Variants in CDH13 observed in about 807,000 individuals in gnomAD.
CDH13 encodes the protein cadherin 13.
A neutral mutation model predicts 63.8 loss-of-function variants in CDH13; 24 were observed. The observed-to-expected ratio is 0.38, with a 90% CI of 0.27 to 0.53. The LOEUF is 0.53. Ranked by LOEUF, CDH13 falls within the 20% of genes least tolerant of loss-of-function variation. The pLI is 0.85. For synonymous variants in CDH13, 503 were observed against 355.3 expected (o/e 1.42, Z -4.67); for missense variants, 1,049 against 903.1 (o/e 1.16, Z -2.07).
intron 5 of CDH13, among the ~76,000 whole-genome samples, chr16:83,289,123 A>G (rs2089402086): frequency 6.6e-6 from 1 of 152,244 alleles, no homozygotes. Flanking sequence ...CTGGCCTACA[A>G]GAACCAAAAA....
chr16:83,147,803 G>C (rs576647217), intron 4 of CDH13, among the ~76,000 whole-genome samples: 59 of 152,204 alleles, frequency 3.9e-4, no homozygotes, highest in African/African-American at 1.4e-3. Flanking sequence ...AGGGGGCAAA[G>C]ACCTCACCTC....
intron 6 of CDH13, among the ~76,000 whole-genome samples, chr16:83,426,169 C>G (rs940594274): frequency 1.2e-4 from 18 of 152,230 alleles, no homozygotes; most frequent in African/African-American, 4.3e-4. Flanking sequence ...CTCATGCCAT[C>G]TGATTAATCA....
At chr16:82,915,552 TG>T (rs1328672908) in intron 2 of CDH13, among the ~76,000 whole-genome samples, 5 of 152,086 alleles carry the variant, frequency 3.3e-5, no homozygotes, top group African/African-American at 1.2e-4. Context: ...CAGTCATTGT[TG>T]AAAAATCTTA....
intron 1 of CDH13, among the ~76,000 whole-genome samples, chr16:82,713,208 A>C (rs900040255): frequency 6.6e-6 from 1 of 152,150 alleles, no homozygotes; most frequent in South Asian, 2.1e-4. Flanking sequence ...ATAAACCTGC[A>C]GTTTCTCCAG....
chr16:83,067,373 G>A (rs558344657), intron 3 of CDH13, among the ~76,000 whole-genome samples: 1 of 152,238 alleles, frequency 6.6e-6, no homozygotes, highest in African/African-American at 2.4e-5. Context: ...ATCCCTTTGA[G>A]CCATAGTTTC....
chr16:82,975,103 A>G (rs1017473582), intron 2 of CDH13, among the ~76,000 whole-genome samples: 2 of 152,226 alleles, frequency 1.3e-5, no homozygotes, highest in Non-Finnish European at 2.9e-5. Context: ...GATGGGTATA[A>G]AGCATAAACA....
At chr16:82,737,137 A>T (rs1336779510) in intron 1 of CDH13, among the ~76,000 whole-genome samples, 1 of 152,222 alleles carries the variant, frequency 6.6e-6, no homozygotes, top group Admixed American at 6.5e-5. Flanking sequence ...AACCCTCTAG[A>T]ACAATTTCAT....
chr16:82,939,076 A>G (rs2042753499), intron 2 of CDH13, among the ~76,000 whole-genome samples: 1 of 152,150 alleles, frequency 6.6e-6, no homozygotes. Flanking sequence ...AGTCTGAGGA[A>G]TTTGGCAAGA....
chr16:83,197,489 TATTC>T (rs1567498443), intron 4 of CDH13, among the ~76,000 whole-genome samples: 1 of 152,196 alleles, frequency 6.6e-6, no homozygotes, highest in Non-Finnish European at 1.5e-5. Flanking sequence ...TACTGGGTTT[TATTC>T]ATTCTTTCTA....
chr16:82,709,436 A>G (rs1437006565), intron 1 of CDH13, among the ~76,000 whole-genome samples: 3 of 152,216 alleles, frequency 2.0e-5, no homozygotes, highest in African/African-American at 4.8e-5. Context: ...AATGGTTCCA[A>G]TCAGGGGCTT....
At chr16:83,014,504 C>T (rs1015970859) in intron 2 of CDH13, among the ~76,000 whole-genome samples, 9 of 151,024 alleles carry the variant, frequency 6.0e-5, no homozygotes, top group Admixed American at 2.0e-4. Flanking sequence ...GAGGCCAAGA[C>T]GGATAGATCA....
At chr16:82,843,716 C>G (rs1037469151) in intron 1 of CDH13, among the ~76,000 whole-genome samples, 9 of 152,192 alleles carry the variant, frequency 5.9e-5, no homozygotes, top group African/African-American at 1.4e-4. Context: ...GACATCTTGT[C>G]TAATGTCTGG....
rs1912318059 is a variant in CDH13, at chr16:82,997,096, T to C, written c.158-34914T>C. Reference sequence around the variant, plus strand: ...GTGATGGTAATGACGGTGGTGATGATGGTGATGGTAGTGGTGGTGATGCTG... The same window carrying C: ...GTGATGGTAATGACGGTGGTGATGACGGTGATGGTAGTGGTGGTGATGCTG... On this transcript the variant is annotated intron_variant, in intron 2 of 13. Transcript: ENST00000567109. 2.0e-5 allele frequency among the ~76,000 whole-genome samples: 3 copies of C among 151,650 alleles called. No individual in the cohort carries two copies. The South Asian group carries it at 6.3e-4, about 32-fold the overall frequency.
At chr16:83,476,608 G>C (rs746957579) in intron 6 of CDH13, among the ~76,000 whole-genome samples, 1 of 152,192 alleles carries the variant, frequency 6.6e-6, no homozygotes, top group African/African-American at 2.4e-5. Context: ...GGGGGACAGA[G>C]GTTGCTGTGA....
intron 1 of CDH13, among the ~76,000 whole-genome samples, chr16:82,664,155 G>C (rs1251190264): frequency 6.6e-6 from 1 of 152,238 alleles, no homozygotes; most frequent in Non-Finnish European, 1.5e-5. Flanking sequence ...CACATAGTAA[G>C]CGCTAAATAA....
At chr16:83,782,673 T>C (rs796413932) in intron 12 of CDH13, among the ~76,000 whole-genome samples, 8 of 146,870 alleles carry the variant, frequency 5.4e-5, no homozygotes, top group African/African-American at 2.0e-4. Context: ...GATGCGGAGG[T>C]TGCAATGAGC....
chr16:83,081,111 C>T lies in CDH13; in HGVS notation c.367-44274C>T, dbSNP rs557623772. On this transcript the variant is annotated intron_variant, in intron 3 of 13. Transcript: ENST00000567109. Reference sequence around the variant, plus strand: ...GGTCAGGCTGGTCTCGAACTCCCGACGTCAGGTGATCTGCCCACCTCAGCC... The same window carrying T: ...GGTCAGGCTGGTCTCGAACTCCCGATGTCAGGTGATCTGCCCACCTCAGCC... 1.1e-4 allele frequency among the ~76,000 whole-genome samples: 16 copies of T among 151,936 alleles called. 1 individual carries two copies. The highest frequency in any genetic ancestry group is 6.2e-4 in the South Asian group (3 of 4,802).
At position 83,141,606 on chromosome 16, in the gene CDH13, C is replaced by A. The variant is rs189122337; in HGVS notation, c.483+16105C>A. 2.6e-3 allele frequency among the ~76,000 whole-genome samples: 401 copies of A among 152,132 alleles called. 1 individual carries two copies. Among genetic ancestry groups the A allele is most frequent in the Admixed American group, 2.1e-3 (32 of 15,280 alleles). ...ATGGTGGCTTGCTGCACCTATCAAC[C>A]CATCATCTACGTTTTAAGCCCCGTG... On this transcript the variant is annotated intron_variant, in intron 4 of 13. Coordinates refer to ENST00000567109, the MANE Select transcript of CDH13 (RefSeq NM_001257.5).
At chr16:82,782,515 G>T (rs1210063187) in intron 1 of CDH13, among the ~76,000 whole-genome samples, 1 of 149,934 alleles carries the variant, frequency 6.7e-6, no homozygotes, top group Non-Finnish European at 1.5e-5. Context: ...TCGTACCACT[G>T]CACTCCAGCC....
Sources: gnomAD v4.1 joint callset for allele counts (sites outside exome capture counted in the v4.1 genomes callset) on GRCh38, gnomAD v4.1.1 for gene constraint, MANE v1.5 for transcripts, NCBI Gene and HGNC (gene_info 2026-07-23, HGNC 2026-07-21) for gene names.